Variants in CD44 observed in about 807,000 individuals in gnomAD.
The protein encoded by CD44 is CD44 molecule (IN blood group).
CD44 carries 49 observed loss-of-function variants against 88.8 expected under a neutral mutation model. The ratio of observed to expected loss-of-function variants is 0.55; its 90% confidence interval spans 0.44 to 0.70. The LOEUF (loss-of-function observed/expected upper bound fraction) is 0.70. Among genes scored for constraint, CD44 ranks in the 30% least tolerant of loss-of-function variants. CD44 has a pLI of 0.00. For missense variants in CD44, 883 were observed against 913.8 expected, an observed-to-expected ratio of 0.97 and a Z score of 0.43; for synonymous variants, 325 against 312.3, an observed-to-expected ratio of 1.04 and a Z score of -0.43.
intron 9 of CD44, among the ~76,000 whole-genome samples, chr11:35,203,708 TAA>T (rs532371332): frequency 7.0e-6 from 1 of 142,894 alleles, no homozygotes; most frequent in African/African-American, 2.6e-5. Context: ...CTTGATAAAC[TAA>T]AAAAAAAAAA....
intron 14 of CD44, among the ~76,000 whole-genome samples, chr11:35,213,294 CAATT>C (rs1948555528): frequency 6.6e-6 from 1 of 152,208 alleles, no homozygotes; most frequent in Non-Finnish European, 1.5e-5. Context: ...ATGGATTAGA[CAATT>C]AAGTCACCCA....
chr11:35,182,696 A>G (rs1345494344), intron 3 of CD44, among the ~76,000 whole-genome samples: 1 of 152,202 alleles, frequency 6.6e-6, no homozygotes, highest in Admixed American at 6.5e-5. Context: ...AGACATTGGG[A>G]AAAGCTTGTG....
Position 35,190,004 on chromosome 11 carries a change from C to T in CD44, c.606C>T (p.His202=). 1 of 1,614,220 alleles carries T rather than the reference C, an allele frequency of 6.2e-7. No homozygotes were observed. The highest frequency in any genetic ancestry group is 8.5e-7 in the Non-Finnish European group (1 of 1,180,024). The change falls in exon 5 of 18, where the codon CAC becomes CAT. Residue 202 remains histidine (H), a synonymous_variant. Transcript: ENST00000428726. ...GYIFYTFSTV[H]PIPDEDSPWI... is the part of the protein sequence containing the mutation. ...TCTTTTACACCTTTTCTACTGTACA[C>T]CCCATCCCAGACGAAGACAGTCCCT...
chr11:35,155,449 C>T (rs930462408), intron 1 of CD44, among the ~76,000 whole-genome samples: 10 of 152,162 alleles, frequency 6.6e-5, no homozygotes, highest in Non-Finnish European at 1.0e-4. Flanking sequence ...GCCACACCCT[C>T]AACCTTTTTC....
chr11:35,215,479 T>C (rs948800050), intron 15 of CD44, among the ~76,000 whole-genome samples: 2 of 152,226 alleles, frequency 1.3e-5, no homozygotes, highest in South Asian at 2.1e-4. Flanking sequence ...TGGCACATGA[T>C]ATCATCACTG....
At chr11:35,217,584 G>C (rs1948942791) in intron 15 of CD44, among the ~76,000 whole-genome samples, 1 of 152,236 alleles carries the variant, frequency 6.6e-6, no homozygotes, top group Admixed American at 6.5e-5. Flanking sequence ...ACACCCAGAT[G>C]TCTGGTAGGA....
At chr11:35,205,215 T>C (rs1947713710) in intron 10 of CD44, among the ~76,000 whole-genome samples, 1 of 152,238 alleles carries the variant, frequency 6.6e-6, no homozygotes, top group African/African-American at 2.4e-5. Flanking sequence ...TCCAGTCTTA[T>C]CATCATCTCT....
chr11:35,143,735 C>A (rs1026397983), intron 1 of CD44, among the ~76,000 whole-genome samples: 2 of 152,162 alleles, frequency 1.3e-5, no homozygotes, highest in Admixed American at 1.3e-4. Context: ...CCTGGCCTGT[C>A]TCTCCCCAGG....
intron 1 of CD44, among the ~76,000 whole-genome samples, chr11:35,160,113 A>G (rs929998750): frequency 5.3e-5 from 8 of 152,124 alleles, no homozygotes; most frequent in Non-Finnish European, 8.8e-5. Context: ...CTTCCCATTC[A>G]TTTTTCAGTT....
intron 10 of CD44, 138 bp from the exon 11 acceptor site, chr11:35,205,974 C>G: frequency 1.5e-6 from 2 of 1,293,756 alleles, no homozygotes; most frequent in Non-Finnish European, 2.0e-6. Context: ...GTTTATGCAA[C>G]TTCCTTGCCC....
Position 35,222,614 on chromosome 11 carries a change from T to C in CD44, c.2024+882T>C, listed in dbSNP as rs566204719. On this transcript the variant is annotated intron_variant, in intron 17 of 17. Transcript: ENST00000428726. Reference sequence around the variant, plus strand: ...TTTATATATAATATATATATATATATATACACATACATTATATATACACAA... The same window carrying C: ...TTTATATATAATATATATATATATACATACACATACATTATATATACACAA... 3 of 623,704 alleles carry C rather than the reference T, an allele frequency of 4.8e-6. No homozygotes were observed. The East Asian group carries it at 4.2e-4, about 88-fold the overall frequency. The allele number at this position is 623,704 out of a possible 1,614,324, so 38.6% of individuals were successfully genotyped here. A position where few individuals can be genotyped will look rare whatever the true frequency, so the allele number is the denominator to read the frequency against.
At chr11:35,218,296 T>G (rs1949002784) in intron 15 of CD44, among the ~76,000 whole-genome samples, 1 of 152,180 alleles carries the variant, frequency 6.6e-6, no homozygotes, top group African/African-American at 2.4e-5. Context: ...ATAGGGTGAT[T>G]TTTCATAGTC....
chr11:35,189,420 T>A (rs755857845), intron 4 of CD44, among the ~76,000 whole-genome samples: 4 of 152,380 alleles, frequency 2.6e-5, no homozygotes, highest in Non-Finnish European at 5.9e-5. Flanking sequence ...ACACATTTTA[T>A]ATGTACTTCA....
At chr11:35,147,272 A>G (rs1859350445) in intron 1 of CD44, among the ~76,000 whole-genome samples, 1 of 152,212 alleles carries the variant, frequency 6.6e-6, no homozygotes, top group Admixed American at 6.5e-5. Flanking sequence ...TCCACCGGCT[A>G]GAATGGATGA....
intron 9 of CD44, 48 bp downstream of exon 9, chr11:35,201,835 G>T (rs756700125): frequency 6.3e-6 from 10 of 1,590,292 alleles, no homozygotes; most frequent in African/African-American, 1.4e-5. Flanking sequence ...AATTAGTAAA[G>T]ACATTCCAGC....
At chr11:35,151,176 G>T (rs1860248593) in intron 1 of CD44, among the ~76,000 whole-genome samples, 1 of 152,104 alleles carries the variant, frequency 6.6e-6, no homozygotes, top group Non-Finnish European at 1.5e-5. Context: ...TGTTTAAAGT[G>T]GGGGAATAAG....
chr11:35,141,777 G>A (rs1189826954), intron 1 of CD44, among the ~76,000 whole-genome samples: 1 of 152,234 alleles, frequency 6.6e-6, no homozygotes, highest in Non-Finnish European at 1.5e-5. Context: ...TCATGTGCTT[G>A]TAAAGTTGTT....
intron 14 of CD44, 28 bp downstream of exon 14, chr11:35,211,477 C>T: frequency 6.5e-7 from 1 of 1,542,318 alleles, no homozygotes; most frequent in Non-Finnish European, 9.0e-7. Context: ...ATCTAGTTTG[C>T]TTTCTCTATA....
At chr11:35,229,096 C>A in intron 17 of CD44, 33 bp from the exon 18 acceptor site, 1 of 1,560,390 alleles carries the variant, frequency 6.4e-7, no homozygotes, top group Non-Finnish European at 8.8e-7. Flanking sequence ...TCACTGCAAT[C>A]TTTCTGATAT....
Sources: allele counts gnomAD v4.1 joint callset (sites outside exome capture counted in the v4.1 genomes callset), GRCh38; gene constraint gnomAD v4.1.1; transcripts MANE v1.5; gene names NCBI Gene and HGNC (gene_info 2026-07-23, HGNC 2026-07-21).